MTF1: variants seen among roughly 807,000 people sequenced by gnomAD.
The protein encoded by MTF1 is MRE-binding transcription factor.
MTF1 carries 22 observed loss-of-function variants against 70.4 expected under a neutral mutation model. The ratio of observed to expected loss-of-function variants is 0.31; its 90% CI spans 0.22 to 0.45. MTF1 has a LOEUF of 0.45. MTF1 is among the 20% of genes least tolerant of loss of function. The probability of loss-of-function intolerance (pLI) is 1.00; values close to 1 mark genes in which losing one functional copy is unlikely to be tolerated. For synonymous variants in MTF1, 333 were observed against 352.8 expected, an observed-to-expected ratio of 0.94 and a Z score of 0.63; for missense variants, 649 against 922.0, an observed-to-expected ratio of 0.70 and a Z score of 3.83.
rs1017494000 is a variant in MTF1, at chr1:37,814,942, T to C, written c.*194A>G. The C allele has an allele frequency of 3.5e-6, 2 of 566,572 alleles. No individual in the cohort carries two copies. The highest frequency in any genetic ancestry group is 1.9e-5 in the African/African-American group (1 of 53,276). 35.1% of individuals were successfully genotyped at this position (566,572 alleles called of 1,614,324 possible). On this transcript the variant is annotated 3_prime_UTR_variant, in exon 11 of 11. Transcript: ENST00000373036. The stretch of plus-strand genomic sequence containing the variant: ...AGCTTTTTTTGTTGTTTTTTTTGTT[T>C]TTTGTTTTTTTCCAAAGAATAGTTC...
intron 3 of MTF1, 120 bp downstream of exon 3, chr1:37,839,800 C>T (rs1641228555): frequency 3.9e-6 from 3 of 773,156 alleles, no homozygotes; most frequent in Non-Finnish European, 6.4e-6. Flanking sequence ...CGTAGTTGAA[C>T]ACAGCTGCGC....
At position 37,822,218 on chromosome 1, in the gene MTF1, T is replaced by C. The variant is rs1640920485; in HGVS notation, c.1670A>G (p.Asn557Ser). The change falls in exon 9 of 11, where the codon AAC becomes AGC. Residue 557 changes from asparagine (N) to serine (S), a missense_variant. Physicochemically the swap from Asn to Ser is conservative, Grantham distance 46 (BLOSUM62 1). Coordinates refer to ENST00000373036, the MANE Select transcript of MTF1 (RefSeq NM_005955.3). The part of the protein sequence containing the change: ...NPTITITPTP[N>S]TAILQSSLVM... ...TAGGCTGGACTGCAGGATAGCTGTG[T>C]TGGGAGTTGGGGTGATGGTTATTGT... 2 of 1,614,026 alleles carry C rather than the reference T, an allele frequency of 1.2e-6. No individual in the cohort carries two copies. The highest frequency in any genetic ancestry group is 2.2e-5 in the East Asian group (1 of 44,894).
intron 2 of MTF1, 111 bp downstream of exon 2, chr1:37,857,140 T>G: frequency 9.3e-7 from 1 of 1,071,414 alleles, no homozygotes; most frequent in Non-Finnish European, 1.3e-6. Flanking sequence ...GCAAAACTAC[T>G]TAAGTCCTAA....
chr1:37,858,009 C>T (rs1408161369), intron 1 of MTF1, among the ~76,000 whole-genome samples: 1 of 118,884 alleles, frequency 8.4e-6, no homozygotes. Context: ...AGACCCCCAT[C>T]TCTAATAAAA....
In MTF1 at chr1:37,857,407, T is replaced by C. The variant is rs778939049; in HGVS notation, c.252A>G (p.Ile84Met). Residue 84 changes from isoleucine (I) to methionine (M), a missense_variant, in exon 2 of 11, where the codon ATA becomes ATG. This residue lies in a region of MTF1 where 44 missense variants were observed against 38.1 expected (regional missense o/e 1.15). Transcript: ENST00000373036. The part of the protein sequence containing the change: ...LVGGEEGFHL[I>M]DHEAMSQGYV... ...AACCCTGGGACATTGCTTCATGATC[T>C]ATCAGGTGAAAGCCCTCTTCACCCC... The C allele has an allele frequency of 1.2e-6, 2 of 1,614,074 alleles. No individual in the cohort carries two copies. Among genetic ancestry groups the C allele is most frequent in the Admixed American group, 3.3e-5 (2 of 60,002 alleles).
At chr1:37,829,698 T>C (rs1218711678) in intron 7 of MTF1, among the ~76,000 whole-genome samples, 1 of 150,872 alleles carries the variant, frequency 6.6e-6, no homozygotes, top group African/African-American at 2.4e-5. Context: ...GGCAGGAGAA[T>C]GGCGTGAACC....
At chr1:37,849,933 C>T (rs1328276342) in intron 2 of MTF1, among the ~76,000 whole-genome samples, 1 of 152,098 alleles carries the variant, frequency 6.6e-6, no homozygotes. Context: ...GCAGCTGCTT[C>T]GAGACTTGGA....
rs926534413 is a variant in MTF1, at chr1:37,817,633, C to T, written c.1768-151G>A. ...TGTACTGAGTGATGTTTTGTTTGTG[C>T]TCTGACATGAGGTCACTGCACTGTT... On this transcript the variant is annotated intron_variant, in intron 9 of 10. Coordinates refer to ENST00000373036, the MANE Select transcript of MTF1 (RefSeq NM_005955.3). The T allele has an allele frequency of 1.1e-5, 7 of 659,012 alleles. No homozygotes were observed. In the African/African-American group the frequency reaches 1.1e-4, roughly 10 times the overall value. 40.8% of individuals were successfully genotyped at this position (659,012 alleles called of 1,614,324 possible). A position where few individuals can be genotyped will look rare whatever the true frequency, so the allele number is the denominator to read the frequency against.
In MTF1 at chr1:37,814,880, T is replaced by C. The variant is rs971107071; in HGVS notation, c.*256A>G. On this transcript the variant is annotated 3_prime_UTR_variant, in exon 11 of 11. Coordinates refer to ENST00000373036, the MANE Select transcript of MTF1 (RefSeq NM_005955.3). ...AAGTTCACATGACAACAAGCAAAAGTGACATACAGTGCAGCCAAACAGTTC... is the reference window on the plus strand; with the variant it reads ...AAGTTCACATGACAACAAGCAAAAGCGACATACAGTGCAGCCAAACAGTTC... 2.3e-6 allele frequency: 1 copy of C among 429,526 alleles called. No homozygotes were observed. The highest frequency in any genetic ancestry group is 4.2e-6 in the Non-Finnish European group (1 of 239,730). The allele number at this position is 429,526 out of a possible 1,614,324, so 26.6% of individuals were successfully genotyped here. A position where few individuals can be genotyped will look rare whatever the true frequency, so the allele number is the denominator to read the frequency against.
rs920016980 is a variant in MTF1, at chr1:37,815,774, G to A, written c.1832-208C>T. On this transcript the variant is annotated intron_variant, in intron 10 of 10. Coordinates refer to ENST00000373036, the MANE Select transcript of MTF1 (RefSeq NM_005955.3). The surrounding 1 kb of genome is among the most constrained non-coding windows in gnomAD (Gnocchi z 4.5). ...ACTCCCCAGCCCGAGACAAAGTCCC[G>A]TTTCCTTAGAAAGTCACACACACGA... Among the ~76,000 whole-genome samples the A allele has an allele frequency of 2.6e-5, 4 of 152,118 alleles. No homozygotes were observed. Among genetic ancestry groups the A allele is most frequent in the Non-Finnish European group, 5.9e-5 (4 of 68,014 alleles).
intron 7 of MTF1, among the ~76,000 whole-genome samples, chr1:37,825,256 C>T (rs1199518607): frequency 6.6e-6 from 1 of 151,990 alleles, no homozygotes; most frequent in African/African-American, 2.4e-5. Flanking sequence ...TTTTTTGAGA[C>T]AGGGTTTCTT....
intron 2 of MTF1, among the ~76,000 whole-genome samples, chr1:37,846,061 G>T (rs1045801798): frequency 1.5e-4 from 23 of 152,132 alleles, no homozygotes; most frequent in Non-Finnish European, 2.9e-4. Context: ...CATACAGGAG[G>T]TATTGCAACA....
chr1:37,856,170 C>CTTTTTTT (rs869062644), intron 2 of MTF1, among the ~76,000 whole-genome samples: 34 of 74,190 alleles, frequency 4.6e-4, no homozygotes, highest in South Asian at 1.3e-3. Flanking sequence ...CCTGAATTTC[C>CTTTTTTT]TTTTTTTTTT....
intron 7 of MTF1, among the ~76,000 whole-genome samples, chr1:37,829,288 A>T (rs1052220415): frequency 2.0e-5 from 3 of 149,766 alleles, no homozygotes; most frequent in African/African-American, 4.9e-5. Flanking sequence ...GGTCTCTATT[A>T]AAAAAAATAT....
chr1:37,838,913 T>G (rs1034483207), intron 3 of MTF1, among the ~76,000 whole-genome samples, 157 bp from the exon 4 acceptor site: 3 of 149,304 alleles, frequency 2.0e-5, no homozygotes, highest in Non-Finnish European at 4.4e-5. Context: ...CAAGCGATTC[T>G]CCTGCCTCAG....
chr1:37,821,913 C>CT (rs200748521), intron 9 of MTF1, among the ~76,000 whole-genome samples: 1,851 of 152,126 alleles, frequency 0.012, 37 homozygotes, highest in African/African-American at 0.042. Context: ...TAGATAAAGA[C>CT]TGTTTCTCTG....
At chr1:37,828,381 T>G (rs1430724408) in intron 7 of MTF1, among the ~76,000 whole-genome samples, 1 of 152,212 alleles carries the variant, frequency 6.6e-6, no homozygotes, top group African/African-American at 2.4e-5. Flanking sequence ...TTCAGCTCAC[T>G]GCAACCTCTG....
chr1:37,820,182 G>A (rs1211143793), intron 9 of MTF1, among the ~76,000 whole-genome samples: 1 of 152,144 alleles, frequency 6.6e-6, no homozygotes, highest in Non-Finnish European at 1.5e-5. Context: ...TGGCACCCTA[G>A]TTCTGGAATT....
At chr1:37,848,316 T>C (rs1037461351) in intron 2 of MTF1, among the ~76,000 whole-genome samples, 13 of 152,218 alleles carry the variant, frequency 8.5e-5, no homozygotes, top group African/African-American at 2.9e-4. Context: ...CATTTAATCT[T>C]CACAAAATGC....
Sources: gnomAD v4.1 joint callset for allele counts (sites outside exome capture counted in the v4.1 genomes callset) on GRCh38, gnomAD v4.1.1 for gene constraint, gnomAD v4.1.1 regional missense constraint, Gnocchi (gnomAD v3.1) non-coding constraint, MANE v1.5 for transcripts, NCBI Gene and HGNC (gene_info 2026-07-23, HGNC 2026-07-21) for gene names.